JAKMIP1: variants seen among roughly 807,000 people sequenced by gnomAD.
JAKMIP1 encodes the protein janus kinase and microtubule-interacting protein 1.
A neutral mutation model predicts 113.0 loss-of-function variants in JAKMIP1; 33 were observed. The ratio of observed to expected loss-of-function variants is 0.29; its 90% CI spans 0.22 to 0.39. The LOEUF (loss-of-function observed/expected upper bound fraction) is 0.39, where lower values mean the gene tolerates loss of function less well. Among genes scored for constraint, JAKMIP1 ranks in the 10% least tolerant of loss-of-function variants. JAKMIP1 has a pLI of 1.00. For missense variants in JAKMIP1, 813 were observed against 1,080.5 expected (o/e 0.75, Z 3.47); for synonymous variants, 480 against 459.9 (o/e 1.04, Z -0.56).
chr4:6,182,221 G>A (rs1164683594), intron 1 of JAKMIP1, among the ~76,000 whole-genome samples: 1 of 151,840 alleles, frequency 6.6e-6, no homozygotes, highest in South Asian at 2.1e-4. Flanking sequence ...ACCAGCTTGG[G>A]CAACATAATG....
In JAKMIP1 at chr4:6,080,336, A is replaced by G. The variant is rs377316505; in HGVS notation, c.1102-24T>C. 45 of 1,610,538 alleles carry G rather than the reference A, an allele frequency of 2.8e-5. No homozygotes were observed. Among genetic ancestry groups the G allele is most frequent in the Non-Finnish European group, 3.6e-5 (43 of 1,178,128 alleles). On this transcript the variant is annotated intron_variant, in intron 6 of 20. Coordinates refer to ENST00000409021, the MANE Select transcript of JAKMIP1 (RefSeq NM_001099433.2). This position sits in a 1 kb window ranked among gnomAD's most constrained non-coding sequence, Gnocchi z 6.0. ...TTCTGCAGCCACAGGGAGACAGACCACCACAGGGTTACCCGCCAACAGTGT... is the reference window on the plus strand; with the variant it reads ...TTCTGCAGCCACAGGGAGACAGACCGCCACAGGGTTACCCGCCAACAGTGT...
chr4:6,141,803 G>A lies in JAKMIP1; in HGVS notation c.-147-28806C>T, dbSNP rs1164601277. Among the ~76,000 whole-genome samples, 1 of 152,202 alleles carries A rather than the reference G, an allele frequency of 6.6e-6. No individual in the cohort carries two copies. The highest frequency in any genetic ancestry group is 2.4e-5 in the African/African-American group (1 of 41,452). Reference sequence around the variant, plus strand: ...CTCTTCGGCAACCTCCCTGGCCACTGAGCAGCCCGGTGGGAGCGGAAGTTG... The same window carrying A: ...CTCTTCGGCAACCTCCCTGGCCACTAAGCAGCCCGGTGGGAGCGGAAGTTG... On this transcript the variant is annotated intron_variant, in intron 1 of 20. Coordinates refer to ENST00000409021, the MANE Select transcript of JAKMIP1 (RefSeq NM_001099433.2). This position sits in a 1 kb window ranked among gnomAD's most constrained non-coding sequence, Gnocchi z 9.4.
chr4:6,170,653 A>G (rs1461295679), intron 1 of JAKMIP1, among the ~76,000 whole-genome samples: 1 of 149,796 alleles, frequency 6.7e-6, no homozygotes, highest in Non-Finnish European at 1.5e-5. Flanking sequence ...TACCATTACC[A>G]CCACCAATCC....
rs1553821427 is a variant in JAKMIP1, at chr4:6,080,984, T to TACACCACAC, written c.1101+624_1101+625insGTGTGGTGT. 3.0e-4 allele frequency among the ~76,000 whole-genome samples: 42 copies of TACACCACAC among 141,068 alleles called. No homozygotes were observed. Among genetic ancestry groups the TACACCACAC allele is most frequent in the Non-Finnish European group, 5.7e-4 (38 of 66,090 alleles). The allele number at this position is 141,068 out of a possible 152,430, so 92.5% of individuals were successfully genotyped here. A position where few individuals can be genotyped will look rare whatever the true frequency, so the allele number is the denominator to read the frequency against. On this transcript the variant is annotated intron_variant, in intron 6 of 20. Coordinates refer to ENST00000409021, the MANE Select transcript of JAKMIP1 (RefSeq NM_001099433.2). This position sits in a 1 kb window ranked among gnomAD's most constrained non-coding sequence, Gnocchi z 6.0. ...GGAGAGGACTTCACACAACAGCAAT[T>TACACCACAC]ACACACACACACACACACACACACA...
intron 8 of JAKMIP1, among the ~76,000 whole-genome samples, chr4:6,068,674 C>G (rs1200715143): frequency 6.7e-6 from 1 of 150,124 alleles, no homozygotes; most frequent in African/African-American, 2.5e-5. Context: ...TCTTCTGCTT[C>G]AGCCTCCCAA....
chr4:6,042,287 G>C lies in JAKMIP1; in HGVS notation c.2029-60C>G. 7.3e-7 allele frequency: 1 copy of C among 1,360,958 alleles called. No homozygotes were observed. Among genetic ancestry groups the C allele is most frequent in the Non-Finnish European group, 1.1e-6 (1 of 952,078 alleles). 84.3% of individuals were successfully genotyped at this position (1,360,958 alleles called of 1,614,324 possible). Reference sequence around the variant, plus strand: ...AGTGAGAGTCAGAACCCAAGGGGCTGTGGAATTTCACAGGTGTGTGAATTT... The same window carrying C: ...AGTGAGAGTCAGAACCCAAGGGGCTCTGGAATTTCACAGGTGTGTGAATTT... On this transcript the variant is annotated intron_variant, in intron 16 of 20. Transcript: ENST00000409021. This position sits in a 1 kb window ranked among gnomAD's most constrained non-coding sequence, Gnocchi z 5.2.
chr4:6,146,038 T>C (rs1213657512), intron 1 of JAKMIP1, among the ~76,000 whole-genome samples: 1 of 152,192 alleles, frequency 6.6e-6, no homozygotes, highest in Non-Finnish European at 1.5e-5. Context: ...TCTCAATAGA[T>C]GAATAGACAA....
rs900886696 is a variant in JAKMIP1 at position 6,193,057 on chromosome 4, C to A, written c.-148+7196G>T. Among the ~76,000 whole-genome samples the A allele has an allele frequency of 6.6e-6, 1 of 152,144 alleles. No homozygotes were observed. Among genetic ancestry groups the A allele is most frequent in the East Asian group, 1.9e-4 (1 of 5,188 alleles). ...TGGGCACCATCTAATCGGCTGCCAGCGTGGCTAGAATAAAGCAGGCAGGAG... is the reference window on the plus strand; with the variant it reads ...TGGGCACCATCTAATCGGCTGCCAGAGTGGCTAGAATAAAGCAGGCAGGAG... On this transcript the variant is annotated intron_variant, in intron 1 of 20. Coordinates refer to ENST00000409021, the MANE Select transcript of JAKMIP1 (RefSeq NM_001099433.2). This position sits in a 1 kb window ranked among gnomAD's most constrained non-coding sequence, Gnocchi z 6.4.
intron 1 of JAKMIP1, among the ~76,000 whole-genome samples, chr4:6,123,840 G>T (rs1042801635): frequency 1.9e-4 from 29 of 152,138 alleles, no homozygotes; most frequent in African/African-American, 7.0e-4. Flanking sequence ...ACACAAAAAA[G>T]AAAAGGCCTG....
intron 8 of JAKMIP1, among the ~76,000 whole-genome samples, chr4:6,071,527 G>A (rs910563224): frequency 1.3e-5 from 2 of 152,214 alleles, no homozygotes; most frequent in African/African-American, 2.4e-5. Context: ...TGGCGCTGGG[G>A]TTTCCTTCCC....
chr4:6,114,369 C>T (rs774200451), intron 1 of JAKMIP1, among the ~76,000 whole-genome samples: 1 of 152,170 alleles, frequency 6.6e-6, no homozygotes, highest in African/African-American at 2.4e-5. Context: ...TGAAGCTGGA[C>T]ATTGGATTTG....
rs1250919569 is a variant in JAKMIP1 at position 6,142,186 on chromosome 4, T to TG, written c.-147-29190dup. 6.6e-6 allele frequency among the ~76,000 whole-genome samples: 1 copy of TG among 152,212 alleles called. No homozygotes were observed. Among genetic ancestry groups the TG allele is most frequent in the East Asian group, 1.9e-4 (1 of 5,196 alleles). On this transcript the variant is annotated intron_variant, in intron 1 of 20. Coordinates refer to ENST00000409021, the MANE Select transcript of JAKMIP1 (RefSeq NM_001099433.2). This position sits in a 1 kb window ranked among gnomAD's most constrained non-coding sequence, Gnocchi z 5.5. Reference sequence around the variant, plus strand: ...GAGGCCTTCCTACCTCATTCCATCCTGGATTTAGGGACACTTTGGTTATTT... The same window carrying TG: ...GAGGCCTTCCTACCTCATTCCATCCTGGGATTTAGGGACACTTTGGTTATTT...
rs1719111942 is a variant in JAKMIP1, at chr4:6,135,558, C to T, written c.-147-22561G>A. On this transcript the variant is annotated intron_variant, in intron 1 of 20. Coordinates refer to ENST00000409021, the MANE Select transcript of JAKMIP1 (RefSeq NM_001099433.2). This position sits in a 1 kb window ranked among gnomAD's most constrained non-coding sequence, Gnocchi z 4.9. ...GACCCCACTCCACGGACGGGGATTT[C>T]CCAGGTCCAGCCTGGCCTAGCCTTG... is the stretch of plus-strand genomic sequence containing the variant. 6.6e-6 allele frequency among the ~76,000 whole-genome samples: 1 copy of T among 152,172 alleles called. No individual in the cohort carries two copies. The highest frequency in any genetic ancestry group is 1.5e-5 in the Non-Finnish European group (1 of 68,026).
intron 1 of JAKMIP1, among the ~76,000 whole-genome samples, chr4:6,171,901 G>A (rs551084460): frequency 1.3e-5 from 2 of 152,338 alleles, no homozygotes; most frequent in South Asian, 2.1e-4. Context: ...ACCTGGTGAT[G>A]TGTATATTCT....
At chr4:6,091,125 A>C (rs1248339082) in intron 3 of JAKMIP1, among the ~76,000 whole-genome samples, 1 of 152,240 alleles carries the variant, frequency 6.6e-6, no homozygotes, top group Non-Finnish European at 1.5e-5. Context: ...AGGTTTGCTT[A>C]AGGAGTGACA....
At chr4:6,096,306 T>C (rs1048950012) in intron 3 of JAKMIP1, among the ~76,000 whole-genome samples, 2 of 152,284 alleles carry the variant, frequency 1.3e-5, no homozygotes, top group African/African-American at 4.8e-5. Flanking sequence ...TTAATAGGCA[T>C]TGCTTTTCTT....
intron 13 of JAKMIP1, among the ~76,000 whole-genome samples, chr4:6,053,098 A>G (rs139961436): frequency 6.6e-6 from 1 of 152,360 alleles, no homozygotes; most frequent in East Asian, 1.9e-4. Context: ...CTGCGCCACT[A>G]CAGGTGCTTA....
rs997749066 is a variant in JAKMIP1 at position 6,137,986 on chromosome 4, G to C, written c.-147-24989C>G. Among the ~76,000 whole-genome samples the C allele has an allele frequency of 2.2e-4, 33 of 152,306 alleles. No individual in the cohort carries two copies. Among genetic ancestry groups the C allele is most frequent in the African/African-American group, 7.2e-4 (30 of 41,552 alleles). ...GCAGCTGAGGCTGTAACCAGCTCTG[G>C]GACAGTGGCTCCCAATGCCCCAGCT... On this transcript the variant is annotated intron_variant, in intron 1 of 20. Coordinates refer to ENST00000409021, the MANE Select transcript of JAKMIP1 (RefSeq NM_001099433.2). The surrounding 1 kb of genome is among the most constrained non-coding windows in gnomAD (Gnocchi z 4.5).
chr4:6,139,549 CAA>C lies in JAKMIP1; in HGVS notation c.-147-26554_-147-26553del, dbSNP rs1719795705. 6.6e-6 allele frequency among the ~76,000 whole-genome samples: 1 copy of C among 152,060 alleles called. No homozygotes were observed. The highest frequency in any genetic ancestry group is 1.5e-5 in the Non-Finnish European group (1 of 68,036). On this transcript the variant is annotated intron_variant, in intron 1 of 20. Transcript: ENST00000409021. This position sits in a 1 kb window ranked among gnomAD's most constrained non-coding sequence, Gnocchi z 5.2. Reference sequence around the variant, plus strand: ...TTGGGAGGCTGAGGCAGGCGGATCACAAAGTCAGGAGTTCGAGACCAACCTGG... The same window carrying C: ...TTGGGAGGCTGAGGCAGGCGGATCACAGTCAGGAGTTCGAGACCAACCTGG...
Sources: allele counts gnomAD v4.1 joint callset (sites outside exome capture counted in the v4.1 genomes callset), GRCh38; gene constraint gnomAD v4.1.1; non-coding constraint Gnocchi (gnomAD v3.1); transcripts MANE v1.5; gene names NCBI Gene and HGNC (gene_info 2026-07-23, HGNC 2026-07-21).